CERS6: variants seen among roughly 807,000 people sequenced by gnomAD.
CERS6 encodes LAG1 homolog, ceramide synthase 6.
CERS6 carries 26 observed loss-of-function variants against 56.8 expected under a neutral mutation model. The ratio of observed to expected loss-of-function variants is 0.46; its 90% CI spans 0.34 to 0.63. CERS6 has a LOEUF of 0.63. Ranked by LOEUF, CERS6 falls within the 30% of genes least tolerant of loss-of-function variation. CERS6 has a pLI of 0.01. For synonymous variants in CERS6, 164 were observed against 173.3 expected (o/e 0.95, Z 0.42); for missense variants, 415 against 467.5 (o/e 0.89, Z 1.04).
At chr2:168,508,032 A>T (rs1281788574) in intron 1 of CERS6, among the ~76,000 whole-genome samples, 1 of 152,228 alleles carries the variant, frequency 6.6e-6, no homozygotes, top group African/African-American at 2.4e-5. Context: ...ATCACTGAGC[A>T]TGAAGGGAGT....
In CERS6 at chr2:168,769,526, G is replaced by A. The variant is rs772096732; in HGVS notation, c.1019G>A (p.Arg340Gln). The A allele has an allele frequency of 1.2e-6, 2 of 1,600,060 alleles. No individual in the cohort carries two copies. The highest frequency in any genetic ancestry group is 2.3e-5 in the East Asian group (1 of 44,334). The change falls in exon 10 of 10, where the codon CGA (arginine) becomes CAA (glutamine). Residue 340 changes from arginine (R) to glutamine (Q), a missense_variant. By Grantham distance (43) the Arg-to-Gln change is conservative. Transcript: ENST00000305747. ...VSRGKVSKDD[R>Q]SDIESSSDEE... ...ACTCCACAGGTGTCCAAGGATGATCGAAGTGATATTGAGTCTAGCTCAGAT... is the reference window on the plus strand; with the variant it reads ...ACTCCACAGGTGTCCAAGGATGATCAAAGTGATATTGAGTCTAGCTCAGAT...
At chr2:168,589,247 T>G (rs1047523099) in intron 3 of CERS6, among the ~76,000 whole-genome samples, 1 of 152,210 alleles carries the variant, frequency 6.6e-6, no homozygotes, top group Non-Finnish European at 1.5e-5. Flanking sequence ...CTCTCTTTCT[T>G]TTGTAATAGA....
chr2:168,712,035 G>C (rs1687104457), intron 6 of CERS6, among the ~76,000 whole-genome samples: 1 of 152,184 alleles, frequency 6.6e-6, no homozygotes, highest in Admixed American at 6.5e-5. Context: ...AGGTAAGTGA[G>C]GGTCCAGGAT....
chr2:168,656,903 A>C (rs913422168), intron 4 of CERS6, among the ~76,000 whole-genome samples: 1 of 152,088 alleles, frequency 6.6e-6, no homozygotes, highest in African/African-American at 2.4e-5. Flanking sequence ...CCACCTCCCC[A>C]TCAGATTAGT....
At chr2:168,659,248 TAA>T (rs1685567549) in intron 4 of CERS6, among the ~76,000 whole-genome samples, 1 of 152,238 alleles carries the variant, frequency 6.6e-6, no homozygotes, top group African/African-American at 2.4e-5. Flanking sequence ...TTCCATATTT[TAA>T]AAGTCATTTT....
intron 3 of CERS6, among the ~76,000 whole-genome samples, chr2:168,613,437 C>A (rs1684235863): frequency 6.6e-6 from 1 of 152,082 alleles, no homozygotes; most frequent in African/African-American, 2.4e-5. Context: ...GCAAGAGAAG[C>A]AGAGGGTTGG....
At chr2:168,673,115 G>A (rs1254481978) in intron 4 of CERS6, among the ~76,000 whole-genome samples, 2 of 152,198 alleles carry the variant, frequency 1.3e-5, no homozygotes, top group Admixed American at 6.5e-5. Flanking sequence ...TAGCTATGAA[G>A]AGGGTGGGTA....
At chr2:168,728,126 A>G (rs775747250) in intron 8 of CERS6, among the ~76,000 whole-genome samples, 4 of 152,112 alleles carry the variant, frequency 2.6e-5, no homozygotes, top group Non-Finnish European at 4.4e-5. Flanking sequence ...TTGCCCATCT[A>G]TTAATATTGT....
At chr2:168,702,372 T>G (rs553080557) in intron 6 of CERS6, among the ~76,000 whole-genome samples, 1 of 152,368 alleles carries the variant, frequency 6.6e-6, no homozygotes, top group Admixed American at 6.5e-5. Flanking sequence ...ACTTGTGTAT[T>G]TGACAGACAT....
At chr2:168,495,335 T>TAA (rs1694446960) in intron 1 of CERS6, among the ~76,000 whole-genome samples, 1 of 152,214 alleles carries the variant, frequency 6.6e-6, no homozygotes, top group African/African-American at 2.4e-5. Flanking sequence ...AAGTGTTTTA[T>TAA]TTAAAGTCAA....
intron 1 of CERS6, among the ~76,000 whole-genome samples, chr2:168,479,081 A>AT (rs1350985866): frequency 6.6e-6 from 1 of 152,040 alleles, no homozygotes; most frequent in Non-Finnish European, 1.5e-5. Context: ...AATAATCCAT[A>AT]TTTTTTTCTC....
chr2:168,493,841 T>C (rs1004800266), intron 1 of CERS6, among the ~76,000 whole-genome samples: 4 of 148,772 alleles, frequency 2.7e-5, no homozygotes, highest in African/African-American at 9.8e-5. Flanking sequence ...ATTAATATAA[T>C]ATACATTAAT....
intron 3 of CERS6, among the ~76,000 whole-genome samples, chr2:168,594,016 T>G (rs1322970183): frequency 1.3e-5 from 2 of 152,260 alleles, no homozygotes; most frequent in Non-Finnish European, 2.9e-5. Context: ...TATGTAATGT[T>G]TTTGTTTTAT....
chr2:168,697,305 C>G (rs1238804967), intron 6 of CERS6, among the ~76,000 whole-genome samples: 1 of 152,086 alleles, frequency 6.6e-6, no homozygotes, highest in Non-Finnish European at 1.5e-5. Context: ...CTCATTGCAC[C>G]CAACACTCCG....
intron 2 of CERS6, among the ~76,000 whole-genome samples, chr2:168,551,513 G>T (rs191304240): frequency 4.6e-5 from 7 of 151,964 alleles, no homozygotes; most frequent in African/African-American, 1.7e-4. Flanking sequence ...TTGAATAACC[G>T]TCTCACAGGC....
rs146818335 is a variant in CERS6 at position 168,660,059 on chromosome 2, G to T, written c.465+29017G>T. Among the ~76,000 whole-genome samples, 1,392 of 152,260 alleles carry T rather than the reference G, an allele frequency of 9.1e-3. 26 individuals are homozygous for T. The highest frequency in any genetic ancestry group is 0.03 in the African/African-American group (1,266 of 41,526). On this transcript the variant is annotated intron_variant, in intron 4 of 9. Transcript: ENST00000305747. ...TGCCACTATAACAGCAAGGGACATG[G>T]ATCCTTAAGTGACTGTGGAATATAA... is the stretch of plus-strand genomic sequence containing the variant.
chr2:168,531,147 T>C (rs145607281), intron 1 of CERS6, among the ~76,000 whole-genome samples: 1,708 of 152,290 alleles, frequency 0.011, 13 homozygotes, highest in Non-Finnish European at 0.017. Flanking sequence ...GATGACTTAA[T>C]CTGTGTTTTG....
chr2:168,718,796 A>G (rs981263578), intron 8 of CERS6, among the ~76,000 whole-genome samples: 7 of 152,164 alleles, frequency 4.6e-5, no homozygotes, highest in African/African-American at 1.4e-4. Flanking sequence ...CATGCCTGCT[A>G]TTTCCCCACC....
intron 3 of CERS6, among the ~76,000 whole-genome samples, chr2:168,604,880 C>A (rs749912076): frequency 2.0e-5 from 3 of 152,174 alleles, no homozygotes; most frequent in Non-Finnish European, 4.4e-5. Context: ...TCAGGTATTT[C>A]TTTAGAGCCA....
Sources: allele counts gnomAD v4.1 joint callset (sites outside exome capture counted in the v4.1 genomes callset), GRCh38; gene constraint gnomAD v4.1.1; transcripts MANE v1.5; gene names NCBI Gene and HGNC (gene_info 2026-07-23, HGNC 2026-07-21).